The following TMEM135 variants were observed in gnomAD, a reference collection of about 807,000 sequenced individuals.
TMEM135 encodes transmembrane protein 135, also known as peroxisomal membrane protein 52.
Under a neutral mutation model 60.3 loss-of-function variants are expected in TMEM135, and 30 were observed. The observed-to-expected ratio is 0.50, with a 90% confidence interval of 0.37 to 0.68. The LOEUF (loss-of-function observed/expected upper bound fraction) is 0.68, where lower values mean the gene tolerates loss of function less well. TMEM135 is among the 30% of genes least tolerant of loss of function. The probability of loss-of-function intolerance (pLI) is 0.00; values close to 1 mark genes in which losing one functional copy is unlikely to be tolerated. For missense variants in TMEM135, 468 were observed against 548.8 expected, an observed-to-expected ratio of 0.85 and a Z score of 1.47; for synonymous variants, 190 against 186.7, an observed-to-expected ratio of 1.02 and a Z score of -0.14.
At chr11:87,270,925 C>G (rs1268888196) in intron 6 of TMEM135, among the ~76,000 whole-genome samples, 1 of 151,768 alleles carries the variant, frequency 6.6e-6, no homozygotes, top group East Asian at 1.9e-4. Context: ...TGTCATTATT[C>G]TTTGGCTACA....
intron 4 of TMEM135, among the ~76,000 whole-genome samples, chr11:87,137,703 A>G (rs1224943011): frequency 2.7e-5 from 4 of 150,202 alleles, no homozygotes; most frequent in African/African-American, 7.3e-5. Context: ...GCTTTGACGT[A>G]AGTGTAAGAA....
chr11:87,312,500 T>G (rs190252069), intron 10 of TMEM135, among the ~76,000 whole-genome samples: 2 of 151,908 alleles, frequency 1.3e-5, no homozygotes, highest in East Asian at 1.9e-4. Flanking sequence ...GTCAACACAC[T>G]TTTTCTGTGA....
chr11:87,145,559 AG>A (rs1938391378), intron 4 of TMEM135, among the ~76,000 whole-genome samples: 1 of 152,076 alleles, frequency 6.6e-6, no homozygotes, highest in South Asian at 2.1e-4. Flanking sequence ...GAGTATATAA[AG>A]GTTCCCTTTT....
intron 5 of TMEM135, among the ~76,000 whole-genome samples, chr11:87,172,510 T>C (rs567033392): frequency 1.0e-3 from 152 of 152,154 alleles, no homozygotes; most frequent in Non-Finnish European, 1.9e-3. Flanking sequence ...TTTTTAAACC[T>C]TCCAGGAGCA....
chr11:87,084,101 A>G (rs749336652), intron 3 of TMEM135, among the ~76,000 whole-genome samples: 1 of 152,150 alleles, frequency 6.6e-6, no homozygotes, highest in Non-Finnish European at 1.5e-5. Flanking sequence ...GCTAAATAAT[A>G]TATACACCAA....
At position 87,323,502 on chromosome 11, in the gene TMEM135, A is replaced by G; in HGVS notation, c.*2169A>G. The stretch of plus-strand genomic sequence containing the variant: ...TTGACAACTTTTTGGCATTATAAAT[A>G]AAGTAAAATAGATCTCTGCATTCCA... On this transcript the variant is annotated 3_prime_UTR_variant, in exon 15 of 15. Transcript: ENST00000305494. 2.2e-6 allele frequency: 1 copy of G among 453,994 alleles called. No homozygotes were observed. Among genetic ancestry groups the G allele is most frequent in the Non-Finnish European group, 4.4e-6 (1 of 226,742 alleles). 28.1% of individuals were successfully genotyped at this position (453,994 alleles called of 1,614,324 possible). A position where few individuals can be genotyped will look rare whatever the true frequency, so the allele number is the denominator to read the frequency against.
At chr11:87,260,974 T>TAGCAGAGCCATAAGTCACATCAGGAA (rs1320997792) in intron 6 of TMEM135, among the ~76,000 whole-genome samples, 6 of 152,182 alleles carry the variant, frequency 3.9e-5, no homozygotes, top group Admixed American at 6.5e-5. Flanking sequence ...ACACTCTGAA[T>TAGCAGAGCCATAAGTCACATCAGGAA]AGCAGAGCCA....
At chr11:87,104,775 T>G (rs1275209206) in intron 4 of TMEM135, among the ~76,000 whole-genome samples, 1 of 152,226 alleles carries the variant, frequency 6.6e-6, no homozygotes, top group Non-Finnish European at 1.5e-5. Flanking sequence ...CACTGTGTCC[T>G]GCAACCGTAC....
chr11:87,279,040 C>T (rs471726), intron 6 of TMEM135, among the ~76,000 whole-genome samples: 85,854 of 151,128 alleles, frequency 0.57, 24,506 homozygotes, highest in African/African-American at 0.62. Context: ...GTTTGTTCTT[C>T]TTTATAGCTG....
chr11:87,099,146 A>G (rs1424141925), intron 4 of TMEM135, among the ~76,000 whole-genome samples: 1 of 152,172 alleles, frequency 6.6e-6, no homozygotes, highest in Non-Finnish European at 1.5e-5. Context: ...CACGCTGTGT[A>G]CTTCAATACC....
At chr11:87,039,129 G>T (rs1363436201) in intron 1 of TMEM135, among the ~76,000 whole-genome samples, 1 of 152,054 alleles carries the variant, frequency 6.6e-6, no homozygotes, top group Non-Finnish European at 1.5e-5. Flanking sequence ...ATTTCTCATT[G>T]AAGTAATTTA....
chr11:87,223,140 A>G (rs1764031959), intron 5 of TMEM135, among the ~76,000 whole-genome samples: 2 of 151,280 alleles, frequency 1.3e-5, no homozygotes. Flanking sequence ...TATATTCTGC[A>G]GTAAATGGAG....
At chr11:87,170,349 T>C (rs1420743748) in intron 5 of TMEM135, among the ~76,000 whole-genome samples, 1 of 152,168 alleles carries the variant, frequency 6.6e-6, no homozygotes, top group Non-Finnish European at 1.5e-5. Flanking sequence ...TGTGATCCTT[T>C]GGAGGAGAAG....
intron 5 of TMEM135, among the ~76,000 whole-genome samples, chr11:87,159,918 T>G (rs568905101): frequency 3.3e-5 from 5 of 152,270 alleles, no homozygotes; most frequent in African/African-American, 4.8e-5. Flanking sequence ...AAATACAACC[T>G]GAAATCATTG....
intron 5 of TMEM135, among the ~76,000 whole-genome samples, chr11:87,188,904 A>G (rs367973133): frequency 7.9e-5 from 12 of 152,314 alleles, no homozygotes; most frequent in African/African-American, 2.6e-4. Context: ...GCATACATCT[A>G]TATGAACATT....
intron 5 of TMEM135, among the ~76,000 whole-genome samples, chr11:87,213,404 G>A (rs1287130374): frequency 6.6e-6 from 1 of 152,106 alleles, no homozygotes. Context: ...AAAAATGACC[G>A]AGGGTACCTA....
At chr11:87,211,921 G>T (rs1441164548) in intron 5 of TMEM135, among the ~76,000 whole-genome samples, 1 of 151,842 alleles carries the variant, frequency 6.6e-6, no homozygotes, top group Non-Finnish European at 1.5e-5. Flanking sequence ...TCCAGCCTGG[G>T]TGACAGAGGG....
At chr11:87,059,766 T>C (rs1020974074) in intron 1 of TMEM135, among the ~76,000 whole-genome samples, 2 of 152,242 alleles carry the variant, frequency 1.3e-5, no homozygotes, top group Admixed American at 1.3e-4. Context: ...TACTATGTGC[T>C]AGTTACTCTG....
chr11:87,080,000 C>T lies in TMEM135; in HGVS notation c.362+8385C>T, dbSNP rs192042824. Among the ~76,000 whole-genome samples the T allele has an allele frequency of 2.8e-3, 420 of 151,186 alleles. 3 individuals are homozygous for T. Among genetic ancestry groups the T allele is most frequent in the African/African-American group, 9.7e-3 (400 of 41,200 alleles). Reference sequence around the variant, plus strand: ...GGGACTACAGGTGCGTGCCACCTCGCCTGGCTAATTTTTGTATTTTTAGTG... The same window carrying T: ...GGGACTACAGGTGCGTGCCACCTCGTCTGGCTAATTTTTGTATTTTTAGTG... On this transcript the variant is annotated intron_variant, in intron 3 of 14. Coordinates refer to ENST00000305494, the MANE Select transcript of TMEM135 (RefSeq NM_022918.4).
Sources: allele counts gnomAD v4.1 joint callset (sites outside exome capture counted in the v4.1 genomes callset), GRCh38; gene constraint gnomAD v4.1.1; transcripts MANE v1.5; gene names NCBI Gene and HGNC (gene_info 2026-07-23, HGNC 2026-07-21).